Variants in POLD3 observed in about 807,000 individuals in gnomAD.
POLD3 encodes the protein DNA polymerase delta 3, accessory subunit, also known as DNA polymerase delta subunit 3.
A neutral mutation model predicts 58.2 loss-of-function variants in POLD3; 19 were observed. The observed-to-expected ratio is 0.33, with a 90% confidence interval of 0.23 to 0.48. The LOEUF (loss-of-function observed/expected upper bound fraction) is 0.48. POLD3 is among the 20% of genes least tolerant of loss of function. POLD3 has a pLI of 0.99. For synonymous variants in POLD3, 172 were observed against 193.5 expected (o/e 0.89, Z 0.92); for missense variants, 504 against 545.5 (o/e 0.92, Z 0.76).
At chr11:74,651,104 A>G (rs2033063512) in intron 4 of POLD3, among the ~76,000 whole-genome samples, 1 of 152,190 alleles carries the variant, frequency 6.6e-6, no homozygotes, top group African/African-American at 2.4e-5. Flanking sequence ...GTATCTGTTT[A>G]TCTGCTTATT....
At chr11:74,604,855 CAT>C (rs1348274535) in intron 3 of POLD3, 61 bp downstream of exon 3, 8 of 914,382 alleles carry the variant, frequency 8.7e-6, no homozygotes, top group African/African-American at 4.9e-5. Flanking sequence ...AGTGTTATAA[CAT>C]AGTTCAGGGG....
chr11:74,619,462 A>C (rs140029933), intron 6 of POLD3, among the ~76,000 whole-genome samples: 3 of 152,320 alleles, frequency 2.0e-5, no homozygotes, highest in African/African-American at 7.2e-5. Flanking sequence ...AGAAGGATGG[A>C]GGAAAACACT....
chr11:74,612,390 C>T (rs532172264), intron 4 of POLD3, among the ~76,000 whole-genome samples: 7 of 152,252 alleles, frequency 4.6e-5, no homozygotes, highest in East Asian at 1.9e-4. Context: ...CCTTCCTTCG[C>T]GGAACCTAAC....
intron 4 of POLD3, among the ~76,000 whole-genome samples, chr11:74,612,565 G>A (rs1356673669): frequency 6.6e-6 from 1 of 152,030 alleles, no homozygotes; most frequent in African/African-American, 2.4e-5. Context: ...ATAGTGTAAG[G>A]CTCTTTTCTG....
chr11:74,626,765 T>C (rs1172245272), intron 8 of POLD3, among the ~76,000 whole-genome samples: 1 of 152,148 alleles, frequency 6.6e-6, no homozygotes, highest in Non-Finnish European at 1.5e-5. Context: ...TGCATAACGA[T>C]GTTTGGGTCA....
chr11:74,606,672 A>G (rs533649078), intron 3 of POLD3, among the ~76,000 whole-genome samples: 15 of 152,290 alleles, frequency 9.8e-5, no homozygotes, highest in Admixed American at 8.5e-4. Flanking sequence ...GGATTCTTAG[A>G]TGGTCTTCAT....
At position 74,618,609 on chromosome 11, in the gene POLD3, T is replaced by A. The variant is rs1375591549; in HGVS notation, c.465T>A (p.Phe155Leu). ...AATCCTCTTCGTCTTCCAAAAAGTT[T>A]GAGCAGTCACATCTTCACATGTCAA... Reference protein sequence around the residue: ...PAESSSSSKKFEQSHLHMSSE... With the variant: ...PAESSSSSKKLEQSHLHMSSE... Residue 155 changes from phenylalanine to leucine, a missense_variant, in exon 6 of 12, where the codon TTT (phenylalanine) becomes TTA (leucine). Phe to Leu is a conservative substitution (Grantham distance 22). Coordinates refer to ENST00000263681, the MANE Select transcript of POLD3 (RefSeq NM_006591.3). 1.2e-6 allele frequency: 2 copies of A among 1,614,124 alleles called. No homozygotes were observed. The highest frequency in any genetic ancestry group is 1.6e-4 in the Middle Eastern group (1 of 6,062).
At chr11:74,610,537 A>T (rs2031875531) in intron 3 of POLD3, among the ~76,000 whole-genome samples, 2 of 151,918 alleles carry the variant, frequency 1.3e-5, no homozygotes, top group South Asian at 4.1e-4. Flanking sequence ...AAGAGTTGTT[A>T]GTCTTTGTTT....
At chr11:74,667,845 TA>T (rs2033291292) in intron 4 of POLD3, among the ~76,000 whole-genome samples, 4 of 152,162 alleles carry the variant, frequency 2.6e-5, no homozygotes, top group Non-Finnish European at 5.9e-5. Context: ...ATCCAGAATC[TA>T]TAAAGAACAT....
intron 9 of POLD3, among the ~76,000 whole-genome samples, chr11:74,633,007 C>G (rs1260942539): frequency 6.6e-6 from 1 of 150,856 alleles, no homozygotes; most frequent in Non-Finnish European, 1.5e-5. Flanking sequence ...GAGTGGGGAT[C>G]TAGATAAACA....
intron 8 of POLD3, among the ~76,000 whole-genome samples, chr11:74,626,876 AACACAT>A (rs780696706): frequency 1.2e-4 from 18 of 152,332 alleles, no homozygotes; most frequent in Non-Finnish European, 8.8e-5. Context: ...ATGGTAGCGC[AACACAT>A]TCCTCACGTG....
At chr11:74,603,030 T>A (rs1474949524) in intron 2 of POLD3, among the ~76,000 whole-genome samples, 1 of 152,232 alleles carries the variant, frequency 6.6e-6, no homozygotes, top group Non-Finnish European at 1.5e-5. Flanking sequence ...CTTAACTTTG[T>A]TTCCATAGAC....
intron 7 of POLD3, among the ~76,000 whole-genome samples, chr11:74,621,403 C>T (rs1046310650): frequency 7.9e-6 from 1 of 126,856 alleles, no homozygotes; most frequent in African/African-American, 2.7e-5. Context: ...CCGCCCCCGA[C>T]CCCCCACCGC....
chr11:74,592,794 C>A, intron 1 of POLD3, 76 bp downstream of exon 1: 1 of 1,587,038 alleles, frequency 6.3e-7, no homozygotes, highest in Admixed American at 1.8e-5. Flanking sequence ...GAGCCTTGAC[C>A]CTCTGTCTGC....
chr11:74,637,485 G>A, intron 11 of POLD3, among the ~76,000 whole-genome samples: 1 of 118,132 alleles, frequency 8.5e-6, no homozygotes. Context: ...CCATTTTCAA[G>A]CCTCTTGGTT....
intron 4 of POLD3, among the ~76,000 whole-genome samples, chr11:74,654,415 TAAA>T (rs2033107327): frequency 6.6e-6 from 1 of 151,952 alleles, no homozygotes; most frequent in Non-Finnish European, 1.5e-5. Flanking sequence ...TAACATTAAA[TAAA>T]ACAGAACTAA....
chr11:74,618,962 A>G (rs79460788), intron 6 of POLD3, among the ~76,000 whole-genome samples, 158 bp downstream of exon 6: 4,550 of 152,252 alleles, frequency 0.03, 260 homozygotes, highest in African/African-American at 0.1. Context: ...TGATATTGTT[A>G]TCTGAAAGAG....
chr11:74,618,940 C>A, intron 6 of POLD3, 136 bp downstream of exon 6: 1 of 698,338 alleles, frequency 1.4e-6, no homozygotes, highest in African/African-American at 1.8e-5. Flanking sequence ...TTAGTTTGAA[C>A]CCTTTAATAC....
At chr11:74,660,054 ACATGGTTGGGGAGGCCT>A (rs2135199446) in intron 4 of POLD3, among the ~76,000 whole-genome samples, 1 of 152,336 alleles carries the variant, frequency 6.6e-6, no homozygotes, top group Non-Finnish European at 1.5e-5. Flanking sequence ...TTACAGTTCC[ACATGGTTGGGGAGGCCT>A]CAGAATCATG....
Sources: allele counts gnomAD v4.1 joint callset (sites outside exome capture counted in the v4.1 genomes callset), GRCh38; gene constraint gnomAD v4.1.1; transcripts MANE v1.5; gene names NCBI Gene and HGNC (gene_info 2026-07-23, HGNC 2026-07-21).